Variants in KASH5 observed in about 807,000 individuals in gnomAD.
KASH5 encodes the protein KASH domain containing 5.
In KASH5, 72 loss-of-function variants were observed where a neutral mutation model predicts 84.2. The ratio of observed to expected loss-of-function variants is 0.85; its 90% CI spans 0.71 to 1.04. KASH5 has a LOEUF of 1.04. Ranked by LOEUF, KASH5 falls within the 50% of genes least tolerant of loss-of-function variation. The pLI, the probability that KASH5 is intolerant of heterozygous loss-of-function variation, is 0.00. For missense variants in KASH5, 650 were observed against 701.0 expected (o/e 0.93, Z 0.82); for synonymous variants, 260 against 279.1 (o/e 0.93, Z 0.68).
intron 6 of KASH5, 68 bp from the exon 7 acceptor site, chr19:49,397,914 C>G: frequency 6.4e-7 from 1 of 1,561,600 alleles, no homozygotes; most frequent in Non-Finnish European, 8.7e-7. Context: ...ACCACCAGCA[C>G]CTACCTCGAC....
intron 9 of KASH5, among the ~76,000 whole-genome samples, 160 bp from the exon 10 acceptor site, chr19:49,406,726 G>T (rs896188056): frequency 7.9e-5 from 12 of 152,114 alleles, no homozygotes; most frequent in African/African-American, 2.7e-4. Context: ...TTAAAGCTGT[G>T]GTCCCACTGG....
At chr19:49,406,521 C>G (rs1974530919) in intron 9 of KASH5, among the ~76,000 whole-genome samples, 1 of 152,156 alleles carries the variant, frequency 6.6e-6, no homozygotes, top group Non-Finnish European at 1.5e-5. Flanking sequence ...GGATTACAGG[C>G]ACGCACTACC....
rs1345433701 is a variant in KASH5 at position 49,416,452 on chromosome 19, A to G, written c.1375-563A>G. On this transcript the variant is annotated intron_variant, in intron 17 of 19. Transcript: ENST00000447857. The surrounding 1 kb of genome is among the most constrained non-coding windows in gnomAD (Gnocchi z 5.4). ...GTGATCCGCCCGCTTCAGCCTCCCA[A>G]AGTGCCGGGATTACAGGCATGAGCC... Among the ~76,000 whole-genome samples, 1 of 152,126 alleles carries G rather than the reference A, an allele frequency of 6.6e-6. No homozygotes were observed.
chr19:49,396,403 C>T (rs1229886179), intron 5 of KASH5, among the ~76,000 whole-genome samples: 1 of 152,094 alleles, frequency 6.6e-6, no homozygotes, highest in East Asian at 1.9e-4. Context: ...TACAGGCATG[C>T]ACCACCACGC....
intron 1 of KASH5, among the ~76,000 whole-genome samples, chr19:49,388,812 T>A (rs1436075742): frequency 6.6e-6 from 1 of 151,610 alleles, no homozygotes; most frequent in African/African-American, 2.4e-5. Context: ...GTCAGACTTC[T>A]CCCTCAGAGC....
Position 49,412,584 on chromosome 19 carries a change from T to G in KASH5, c.1270-384T>G, listed in dbSNP as rs1313750981. The stretch of plus-strand genomic sequence containing the variant: ...AGAGCAGATAGATCCAGCCCAAGTC[T>G]GGGAACCTGGGATGAGAAGGCGGTT... On this transcript the variant is annotated intron_variant, in intron 15 of 19. Coordinates refer to ENST00000447857, the MANE Select transcript of KASH5 (RefSeq NM_144688.5). The surrounding 1 kb of genome is among the most constrained non-coding windows in gnomAD (Gnocchi z 4.6). Among the ~76,000 whole-genome samples the G allele has an allele frequency of 6.6e-6, 1 of 152,152 alleles. No homozygotes were observed. The highest frequency in any genetic ancestry group is 1.5e-5 in the Non-Finnish European group (1 of 68,012).
chr19:49,396,257 T>G lies in KASH5; in HGVS notation c.400+424T>G, dbSNP rs1008906414. On this transcript the variant is annotated intron_variant, in intron 5 of 19. Coordinates refer to ENST00000447857, the MANE Select transcript of KASH5 (RefSeq NM_144688.5). ...ACCCTGCTGGACTTTTTTTTTTTTT[T>G]TTTTTTTTTTTTTGAGATAAGAGTT... 8.4e-5 allele frequency among the ~76,000 whole-genome samples: 8 copies of G among 95,164 alleles called. 1 individual carries two copies. The highest frequency in any genetic ancestry group is 8.7e-4 in the South Asian group (2 of 2,308). 62.4% of individuals were successfully genotyped at this position (95,164 alleles called of 152,430 possible). A position where few individuals can be genotyped will look rare whatever the true frequency, so the allele number is the denominator to read the frequency against.
intron 16 of KASH5, among the ~76,000 whole-genome samples, chr19:49,413,245 G>T (rs963233233): frequency 6.6e-6 from 1 of 152,242 alleles, no homozygotes; most frequent in Non-Finnish European, 1.5e-5. Context: ...CCTTGGGGGA[G>T]GGCTCCCAGC....
intron 11 of KASH5, 117 bp from the exon 12 acceptor site, chr19:49,407,495 A>G: frequency 1.6e-6 from 2 of 1,214,760 alleles, no homozygotes; most frequent in Non-Finnish European, 2.4e-6. Flanking sequence ...CTTGTGCCCC[A>G]GCTCTTCCCT....
chr19:49,392,958 G>A (rs1364198638), intron 2 of KASH5, among the ~76,000 whole-genome samples: 1 of 150,310 alleles, frequency 6.7e-6, no homozygotes, highest in African/African-American at 2.5e-5. Context: ...TGGGGCTAAA[G>A]CCCTGGTCTC....
Position 49,399,693 on chromosome 19 carries a change from G to C in KASH5, c.798+186G>C. On this transcript the variant is annotated intron_variant, in intron 9 of 19. Coordinates refer to ENST00000447857, the MANE Select transcript of KASH5 (RefSeq NM_144688.5). This position sits in a 1 kb window ranked among gnomAD's most constrained non-coding sequence, Gnocchi z 4.4. Reference sequence around the variant, plus strand: ...CAGCCGTGGTTTACAAGAGTGTGAGGCATGGGGTCAGCCTACATGGCTTCA... The same window carrying C: ...CAGCCGTGGTTTACAAGAGTGTGAGCCATGGGGTCAGCCTACATGGCTTCA... The C allele has an allele frequency of 6.8e-7, 1 of 1,461,834 alleles. No individual in the cohort carries two copies. Among genetic ancestry groups the C allele is most frequent in the Non-Finnish European group, 9.1e-7 (1 of 1,103,756 alleles). The allele number at this position is 1,461,834 out of a possible 1,614,324, so 90.6% of individuals were successfully genotyped here.
At position 49,407,613 on chromosome 19, in the gene KASH5, G is replaced by A. The variant is rs535323954; in HGVS notation, c.935G>A (p.Arg312His). Residue 312 changes from arginine to histidine, a missense_variant and splice_region_variant, in exon 12 of 20, where the codon CGC (arginine) becomes CAC (histidine). Transcript: ENST00000447857. Reference protein sequence around the residue: ...ICQRDTILSERTRDVESLAQT... With the variant: ...ICQRDTILSEHTRDVESLAQT... ...TCATTTGGCTTTCGGCTTTCCTAGC[G>A]CACTCGCGATGTGGAGAGCCTGGCC... 5.1e-5 allele frequency: 82 copies of A among 1,594,508 alleles called. No individual in the cohort carries two copies. Among genetic ancestry groups the A allele is most frequent in the Non-Finnish European group, 6.2e-5 (73 of 1,170,808 alleles).
Position 49,407,643 on chromosome 19 carries a change from C to G in KASH5, c.965C>G (p.Thr322Ser). The stretch of plus-strand genomic sequence containing the variant: ...CGCGATGTGGAGAGCCTGGCCCAGA[C>G]CCTGGAAGAATACAGAGTGACGACG... The part of the protein sequence containing the change: ...RTRDVESLAQ[T>S]LEEYRVTTQE... Residue 322 changes from threonine (T) to serine (S), a missense_variant, in exon 12 of 20, where the codon ACC becomes AGC. Transcript: ENST00000447857. The G allele has an allele frequency of 2.5e-6, 4 of 1,604,768 alleles. No homozygotes were observed. The highest frequency in any genetic ancestry group is 2.6e-6 in the Non-Finnish European group (3 of 1,175,728).
chr19:49,392,473 C>A (rs1215528419), intron 2 of KASH5, among the ~76,000 whole-genome samples: 1 of 152,140 alleles, frequency 6.6e-6, no homozygotes, highest in Admixed American at 6.5e-5. Context: ...TCCTGGGATG[C>A]GACTTCAGAC....
chr19:49,413,161 C>A, intron 16 of KASH5, 135 bp downstream of exon 16: 1 of 877,092 alleles, frequency 1.1e-6, no homozygotes, highest in Non-Finnish European at 1.7e-6. Flanking sequence ...GGGAGCAGAA[C>A]CTGGGCCTGT....
Position 49,390,796 on chromosome 19 carries a change from C to G in KASH5, c.-88C>G. 3.5e-6 allele frequency: 5 copies of G among 1,429,624 alleles called. No individual in the cohort carries two copies. Among genetic ancestry groups the G allele is most frequent in the Non-Finnish European group, 4.7e-6 (5 of 1,067,064 alleles). The allele number at this position is 1,429,624 out of a possible 1,614,324, so 88.6% of individuals were successfully genotyped here. ...TCCTGCTTCTCCTTCCAGGAGTGCT[C>G]GGGCCAGCTGGTCCTTTTCCCATCC... On this transcript the variant is annotated 5_prime_UTR_variant, in exon 2 of 20. Transcript: ENST00000447857.
Position 49,395,290 on chromosome 19 carries a change from T to G in KASH5, c.333T>G (p.His111Gln). The change falls in exon 4 of 20, where the codon CAT becomes CAG. Residue 111 changes from histidine (H) to glutamine (Q), a missense_variant and splice_region_variant. His to Gln is a conservative substitution (Grantham distance 24, BLOSUM62 0). Transcript: ENST00000447857. The surrounding 1 kb of genome is among the most constrained non-coding windows in gnomAD (Gnocchi z 4.4). ...ACTGGATTGCTGCCTGTCAACTACA[T>G]GGGTGAGTCCCCACATCTTCATCCT... ...MRDWIAACQLHGGLELEEETA... is the reference protein window; with the variant it reads ...MRDWIAACQLQGGLELEEETA... 6.2e-7 allele frequency: 1 copy of G among 1,612,794 alleles called. No individual in the cohort carries two copies. Among genetic ancestry groups the G allele is most frequent in the African/African-American group, 1.3e-5 (1 of 74,998 alleles).
chr19:49,401,652 G>A (rs2122152809), intron 9 of KASH5, among the ~76,000 whole-genome samples: 1 of 152,224 alleles, frequency 6.6e-6, no homozygotes, highest in South Asian at 2.1e-4. Context: ...CCTGGGTTAG[G>A]GGAAAACTCT....
At position 49,401,419 on chromosome 19, in the gene KASH5, C is replaced by A. The variant is rs191090733; in HGVS notation, c.798+1912C>A. Among the ~76,000 whole-genome samples, 158 of 152,334 alleles carry A rather than the reference C, an allele frequency of 1.0e-3. 6 individuals are homozygous for A. Among genetic ancestry groups the A allele is most frequent in the Non-Finnish European group, 1.8e-4 (12 of 68,026 alleles). On this transcript the variant is annotated intron_variant, in intron 9 of 19. Coordinates refer to ENST00000447857, the MANE Select transcript of KASH5 (RefSeq NM_144688.5). ...TCCCTGAAGGATCCCAAACCCCACCCAGGCCTTGACAGACTGGAGGACACA... is the reference window on the plus strand; with the variant it reads ...TCCCTGAAGGATCCCAAACCCCACCAAGGCCTTGACAGACTGGAGGACACA...
Sources: allele counts gnomAD v4.1 joint callset (sites outside exome capture counted in the v4.1 genomes callset), GRCh38; gene constraint gnomAD v4.1.1; non-coding constraint Gnocchi (gnomAD v3.1); transcripts MANE v1.5; gene names NCBI Gene and HGNC (gene_info 2026-07-23, HGNC 2026-07-21).